Variants in SNX29 observed in about 807,000 individuals in gnomAD.
SNX29 encodes sorting nexin 29, also known as sorting nexin-29.
SNX29 carries 78 observed loss-of-function variants against 102.1 expected under a neutral mutation model. The observed-to-expected ratio is 0.76, with a 90% CI of 0.64 to 0.92. The LOEUF is 0.92. Ranked by LOEUF, SNX29 falls within the 40% of genes least tolerant of loss-of-function variation. The pLI, the probability that SNX29 is intolerant of heterozygous loss-of-function variation, is 0.00. For missense variants in SNX29, 1,280 were observed against 1,061.7 expected (o/e 1.21, Z -2.86); for synonymous variants, 580 against 414.5 (o/e 1.40, Z -4.85).
At chr16:11,998,585 C>T (rs568080223) in intron 1 of SNX29, among the ~76,000 whole-genome samples, 7 of 152,244 alleles carry the variant, frequency 4.6e-5, no homozygotes, top group African/African-American at 9.6e-5. Flanking sequence ...CTCATGACTT[C>T]GTGGTGGCAA....
intron 16 of SNX29, among the ~76,000 whole-genome samples, chr16:12,398,128 A>G (rs1235548925): frequency 6.6e-6 from 1 of 152,170 alleles, no homozygotes; most frequent in Non-Finnish European, 1.5e-5. Flanking sequence ...GATAACTTGC[A>G]TCTCAGATCC....
At chr16:12,326,351 A>G (rs1220676245) in intron 15 of SNX29, among the ~76,000 whole-genome samples, 22 of 128,914 alleles carry the variant, frequency 1.7e-4, no homozygotes, top group Non-Finnish European at 2.9e-4. Context: ...TTCCCTGTCC[A>G]GGTGTGAGGG....
At chr16:12,437,393 G>A (rs1044151454) in intron 18 of SNX29, among the ~76,000 whole-genome samples, 1 of 152,234 alleles carries the variant, frequency 6.6e-6, no homozygotes, top group Non-Finnish European at 1.5e-5. Context: ...AGCGGGGAGA[G>A]TCAGGTTCAG....
intron 18 of SNX29, among the ~76,000 whole-genome samples, chr16:12,413,871 A>G (rs2084510041): frequency 7.1e-6 from 1 of 141,180 alleles, no homozygotes; most frequent in Admixed American, 7.2e-5. Flanking sequence ...GTAAATTACC[A>G]TACAGTCATC....
At chr16:12,101,391 T>A (rs239772) in intron 11 of SNX29, among the ~76,000 whole-genome samples, 67,552 of 147,248 alleles carry the variant, frequency 0.46, 16,857 homozygotes, top group East Asian at 0.69. Flanking sequence ...ATTTTATTTT[T>A]TTTTTTTTTT....
intron 13 of SNX29, among the ~76,000 whole-genome samples, chr16:12,173,169 G>C (rs1283882955): frequency 6.6e-6 from 1 of 152,250 alleles, no homozygotes; most frequent in Non-Finnish European, 1.5e-5. Flanking sequence ...GTGACTGCCG[G>C]AGATAAAGCT....
chr16:12,573,523 T>G lies in SNX29; in HGVS notation c.*4894T>G, dbSNP rs1382595257. ...TGGTTTAAGAGGCCCAGGGATTTAG[T>G]TCTTACTGGTGCGTAAGTGTTTTCC... On this transcript the variant is annotated 3_prime_UTR_variant, in exon 21 of 21. Coordinates refer to ENST00000566228, the MANE Select transcript of SNX29 (RefSeq NM_032167.5). 1 of 224,570 alleles carries G rather than the reference T, an allele frequency of 4.5e-6. No homozygotes were observed. Among genetic ancestry groups the G allele is most frequent in the Non-Finnish European group, 8.9e-6 (1 of 112,622 alleles). 13.9% of individuals were successfully genotyped at this position (224,570 alleles called of 1,614,324 possible). A position where few individuals can be genotyped will look rare whatever the true frequency, so the allele number is the denominator to read the frequency against.
intron 20 of SNX29, among the ~76,000 whole-genome samples, chr16:12,550,531 CAAAAA>C (rs34325828): frequency 4.6e-5 from 5 of 108,184 alleles, no homozygotes; most frequent in East Asian, 2.2e-4. Flanking sequence ...TCTCAATCTA[CAAAAA>C]AAAAAAAAAA....
intron 20 of SNX29, among the ~76,000 whole-genome samples, chr16:12,536,359 G>A (rs1378717392): frequency 6.6e-6 from 1 of 152,064 alleles, no homozygotes; most frequent in Non-Finnish European, 1.5e-5. Flanking sequence ...TGTCAGGGTT[G>A]GGGGTAAAGC....
chr16:12,190,601 C>A (rs1353472590), intron 13 of SNX29, among the ~76,000 whole-genome samples: 1 of 152,086 alleles, frequency 6.6e-6, no homozygotes, highest in African/African-American at 2.4e-5. Flanking sequence ...GAGTTGCAGA[C>A]AGAGAATCAG....
At chr16:12,227,774 C>T (rs557131898) in intron 14 of SNX29, among the ~76,000 whole-genome samples, 1 of 151,908 alleles carries the variant, frequency 6.6e-6, no homozygotes, top group Non-Finnish European at 1.5e-5. Context: ...GTGGCTCGTG[C>T]TTGTAATCCC....
chr16:12,301,969 A>G (rs1038194242), intron 15 of SNX29, among the ~76,000 whole-genome samples: 1 of 152,194 alleles, frequency 6.6e-6, no homozygotes, highest in Non-Finnish European at 1.5e-5. Flanking sequence ...AAGAATATTG[A>G]TCCTGAAGGT....
chr16:12,447,306 CT>C (rs1183215063), intron 18 of SNX29, among the ~76,000 whole-genome samples: 2 of 151,752 alleles, frequency 1.3e-5, no homozygotes, highest in African/African-American at 4.8e-5. Flanking sequence ...CTTTGGGCAC[CT>C]TTCTGTCTTA....
At chr16:12,009,670 T>C (rs1048799177) in intron 3 of SNX29, among the ~76,000 whole-genome samples, 1 of 151,912 alleles carries the variant, frequency 6.6e-6, no homozygotes, top group Non-Finnish European at 1.5e-5. Flanking sequence ...AAATGCGCGC[T>C]TCTCTTTGTT....
chr16:12,444,820 C>A (rs1245633706), intron 18 of SNX29, among the ~76,000 whole-genome samples: 3 of 150,212 alleles, frequency 2.0e-5, no homozygotes, highest in Admixed American at 1.3e-4. Flanking sequence ...GCCACATTGT[C>A]CCCTCGACAG....
At chr16:12,310,631 G>A (rs1293919346) in intron 15 of SNX29, among the ~76,000 whole-genome samples, 1 of 152,228 alleles carries the variant, frequency 6.6e-6, no homozygotes, top group Non-Finnish European at 1.5e-5. Context: ...GTCTGGCGAC[G>A]GGATGGGAGG....
intron 18 of SNX29, among the ~76,000 whole-genome samples, chr16:12,412,848 T>G (rs975062914): frequency 2.0e-5 from 3 of 152,264 alleles, no homozygotes; most frequent in African/African-American, 7.2e-5. Context: ...AGAAGTGTTT[T>G]GCACTAGATC....
At chr16:12,525,317 T>C (rs934930547) in intron 20 of SNX29, among the ~76,000 whole-genome samples, 3 of 150,066 alleles carry the variant, frequency 2.0e-5, no homozygotes, top group African/African-American at 7.4e-5. Flanking sequence ...CCTTCTTCTC[T>C]CTTGAAAAAA....
chr16:12,180,887 A>G (rs2076368934), intron 13 of SNX29, among the ~76,000 whole-genome samples: 1 of 152,186 alleles, frequency 6.6e-6, no homozygotes, highest in Non-Finnish European at 1.5e-5. Context: ...GGTGTTAGGC[A>G]TACTGCAGCT....
Sources: gnomAD v4.1 joint callset for allele counts (sites outside exome capture counted in the v4.1 genomes callset) on GRCh38, gnomAD v4.1.1 for gene constraint, MANE v1.5 for transcripts, NCBI Gene and HGNC (gene_info 2026-07-23, HGNC 2026-07-21) for gene names.